HMCN1: variants seen among roughly 807,000 people sequenced by gnomAD.
HMCN1 encodes hemicentin 1.
HMCN1 carries 321 observed loss-of-function variants against 625.9 expected under a neutral mutation model. The observed-to-expected ratio is 0.51, with a 90% CI of 0.47 to 0.56. The LOEUF is 0.56. Ranked by LOEUF, HMCN1 falls within the 20% of genes least tolerant of loss-of-function variation. The probability of loss-of-function intolerance (pLI) is 0.00; values close to 1 mark genes in which losing one functional copy is unlikely to be tolerated. For synonymous variants in HMCN1, 2,425 were observed against 2,417.6 expected, an observed-to-expected ratio of 1.00 and a Z score of -0.09; for missense variants, 6,588 against 6,887.3, an observed-to-expected ratio of 0.96 and a Z score of 1.54.
intron 24 of HMCN1, among the ~76,000 whole-genome samples, chr1:185,995,296 T>C (rs759789447): frequency 3.3e-5 from 5 of 152,102 alleles, no homozygotes; most frequent in Non-Finnish European, 5.9e-5. Context: ...TGTTTACTTT[T>C]GAAGCAAAGT....
intron 5 of HMCN1, among the ~76,000 whole-genome samples, chr1:185,910,516 A>C (rs1236538693): frequency 6.6e-6 from 1 of 151,446 alleles, no homozygotes; most frequent in Admixed American, 6.6e-5. Flanking sequence ...GCATACAATG[A>C]TTGTAAAACT....
At chr1:185,939,044 T>C (rs1667956600) in intron 11 of HMCN1, among the ~76,000 whole-genome samples, 1 of 152,192 alleles carries the variant, frequency 6.6e-6, no homozygotes, top group Non-Finnish European at 1.5e-5. Context: ...CTTAAAATGA[T>C]TTATTAAAAA....
intron 4 of HMCN1, among the ~76,000 whole-genome samples, chr1:185,892,224 T>C (rs548817540): frequency 0.027 from 3,875 of 143,432 alleles, 205 homozygotes; most frequent in African/African-American, 0.1. Flanking sequence ...AAATTTTTTT[T>C]AAAGTTTTCA....
intron 4 of HMCN1, among the ~76,000 whole-genome samples, chr1:185,873,654 G>A (rs1027625349): frequency 2.0e-5 from 3 of 151,822 alleles, no homozygotes; most frequent in Non-Finnish European, 4.4e-5. Context: ...TTGTTAAAAA[G>A]CACCTGTGAT....
At chr1:185,803,205 C>CAAAAAAAAAAAAAAAAAAAAGA in intron 1 of HMCN1, among the ~76,000 whole-genome samples, 1 of 58,756 alleles carries the variant, frequency 1.7e-5, no homozygotes, top group Admixed American at 2.6e-4. Context: ...AAAAAAAAAG[C>CAAAAAAAAAAAAAAAAAAAAGA]AAAAAAAAAA....
intron 1 of HMCN1, among the ~76,000 whole-genome samples, chr1:185,761,729 C>A (rs1279756718): frequency 6.6e-6 from 1 of 152,080 alleles, no homozygotes; most frequent in African/African-American, 2.4e-5. Context: ...CACAACTCTG[C>A]TTTGTCTAGA....
chr1:185,984,382 A>G, intron 19 of HMCN1, 69 bp downstream of exon 19: 5 of 1,416,672 alleles, frequency 3.5e-6, no homozygotes, highest in Non-Finnish European at 4.0e-6. Context: ...ATTTTAATCA[A>G]ATAACTCTGT....
chr1:186,005,407 TATAA>T (rs1288698991), intron 29 of HMCN1, among the ~76,000 whole-genome samples: 1 of 149,656 alleles, frequency 6.7e-6, no homozygotes, highest in Non-Finnish European at 1.5e-5. Context: ...TTTAATTGTT[TATAA>T]ATGTTTATAA....
chr1:186,003,717 G>T lies in HMCN1; in HGVS notation c.4349-1G>T. On this transcript the variant is annotated splice_acceptor_variant, in intron 28 of 106. Transcript: ENST00000271588. LOFTEE classifies it high-confidence loss of function. ...TTCATAATACACTGTCTTTGTTCAA[G>T]TTCCACCCACCATAATAGGTACCAA... 6.2e-7 allele frequency: 1 copy of T among 1,613,088 alleles called. No homozygotes were observed. Among genetic ancestry groups the T allele is most frequent in the Non-Finnish European group, 8.5e-7 (1 of 1,179,302 alleles).
At chr1:186,035,233 A>G (rs1655741797) in intron 36 of HMCN1, among the ~76,000 whole-genome samples, 1 of 152,184 alleles carries the variant, frequency 6.6e-6, no homozygotes, top group Admixed American at 6.6e-5. Context: ...GGTAGGGTTA[A>G]TACATGGAAT....
chr1:185,759,358 A>G (rs1655338451), intron 1 of HMCN1, among the ~76,000 whole-genome samples: 1 of 152,190 alleles, frequency 6.6e-6, no homozygotes, highest in Non-Finnish European at 1.5e-5. Context: ...GGACATTTTC[A>G]TGAACTGGTT....
chr1:186,028,981 C>T (rs773377356), intron 36 of HMCN1, among the ~76,000 whole-genome samples: 4 of 152,000 alleles, frequency 2.6e-5, no homozygotes, highest in Non-Finnish European at 5.9e-5. Flanking sequence ...ATCCGTCCGC[C>T]TCAGCCTCCC....
At chr1:186,034,012 G>A (rs1655656425) in intron 36 of HMCN1, among the ~76,000 whole-genome samples, 1 of 152,162 alleles carries the variant, frequency 6.6e-6, no homozygotes, top group Admixed American at 6.6e-5. Context: ...ACATCATAAA[G>A]GGGAATTAAG....
intron 22 of HMCN1, among the ~76,000 whole-genome samples, chr1:185,992,499 T>C (rs1652497288): frequency 6.6e-6 from 1 of 152,176 alleles, no homozygotes. Context: ...CCGACATCAC[T>C]TTGAATAGTC....
chr1:185,741,075 C>T (rs563734331), intron 1 of HMCN1, among the ~76,000 whole-genome samples: 1 of 152,280 alleles, frequency 6.6e-6, no homozygotes, highest in African/African-American at 2.4e-5. Context: ...TGCTTCCTCT[C>T]TTGCCATGTG....
intron 1 of HMCN1, among the ~76,000 whole-genome samples, chr1:185,835,906 C>T (rs1476103934): frequency 1.3e-5 from 2 of 152,024 alleles, no homozygotes; most frequent in African/African-American, 4.8e-5. Flanking sequence ...TTTCATTTCA[C>T]TCAATGAAAA....
chr1:186,151,747 A>G lies in HMCN1; in HGVS notation c.14896+4A>G, dbSNP rs1650677699. ...ACTCAAGTGGAATTTGCAACTGGTT[A>G]GTGTCAGCTGAATTTAATATTCTAT... On this transcript the variant is annotated splice_donor_region_variant and intron_variant, in intron 95 of 106. Transcript: ENST00000271588. 8 of 1,613,324 alleles carry G rather than the reference A, an allele frequency of 5.0e-6. No individual in the cohort carries two copies. The East Asian group carries it at 1.6e-4, about 32-fold the overall frequency.
intron 4 of HMCN1, among the ~76,000 whole-genome samples, chr1:185,897,435 C>T (rs1385280109): frequency 2.6e-5 from 4 of 152,194 alleles, no homozygotes; most frequent in Admixed American, 2.0e-4. Context: ...TCCAGCACAG[C>T]ATGTGAGGAC....
At chr1:185,928,793 AC>A in intron 10 of HMCN1, 126 bp downstream of exon 10, 1 of 1,061,036 alleles carries the variant, frequency 9.4e-7, no homozygotes, top group Non-Finnish European at 1.4e-6. Context: ...CTATCTCTCC[AC>A]TGAATTGAGA....
Sources: gnomAD v4.1 joint callset for allele counts (sites outside exome capture counted in the v4.1 genomes callset) on GRCh38, gnomAD v4.1.1 for gene constraint, MANE v1.5 for transcripts, NCBI Gene and HGNC (gene_info 2026-07-23, HGNC 2026-07-21) for gene names.